The following SUPT3H variants were observed in gnomAD, a reference collection of about 807,000 sequenced individuals.
SUPT3H encodes the protein SPT3 homolog, SAGA and STAGA complex component.
Under a neutral mutation model 44.3 loss-of-function variants are expected in SUPT3H, and 44 were observed. The observed-to-expected ratio is 0.99, with a 90% CI of 0.78 to 1.28. SUPT3H has a LOEUF of 1.28. SUPT3H is among the 50% of genes most tolerant of loss of function. The probability of loss-of-function intolerance (pLI) is 0.00; values close to 1 mark genes in which losing one functional copy is unlikely to be tolerated. For missense variants in SUPT3H, 380 were observed against 387.1 expected, an observed-to-expected ratio of 0.98 and a Z score of 0.15; for synonymous variants, 124 against 125.6, an observed-to-expected ratio of 0.99 and a Z score of 0.09.
chr6:44,909,576 A>G (rs7763421), intron 10 of SUPT3H, among the ~76,000 whole-genome samples: 69,393 of 151,972 alleles, frequency 0.46, 16,356 homozygotes, highest in Admixed American at 0.55. Flanking sequence ...TGAATTTTAT[A>G]GTTATCTAGA....
At chr6:45,232,060 T>C (rs534615660) in intron 2 of SUPT3H, among the ~76,000 whole-genome samples, 1 of 152,312 alleles carries the variant, frequency 6.6e-6, no homozygotes, top group Non-Finnish European at 1.5e-5. Flanking sequence ...ACATTCTTTT[T>C]CCAGAATTGT....
At chr6:45,052,090 G>A (rs1790388442) in intron 3 of SUPT3H, among the ~76,000 whole-genome samples, 1 of 152,120 alleles carries the variant, frequency 6.6e-6, no homozygotes, top group African/African-American at 2.4e-5. Flanking sequence ...GAAATCAGAG[G>A]GAATCACCTA....
At chr6:45,098,217 G>T (rs1798065229) in intron 3 of SUPT3H, 1 of 159,630 alleles carries the variant, frequency 6.3e-6, no homozygotes, top group South Asian at 1.7e-4. Context: ...ATTTCAAGAA[G>T]ACAGAAGTGT....
At chr6:45,139,044 G>A (rs1016821495) in intron 2 of SUPT3H, among the ~76,000 whole-genome samples, 3 of 152,034 alleles carry the variant, frequency 2.0e-5, no homozygotes, top group Non-Finnish European at 4.4e-5. Context: ...GCTACCTCAA[G>A]CATATAAATG....
chr6:45,073,374 T>C (rs927300461), intron 3 of SUPT3H, among the ~76,000 whole-genome samples: 3 of 152,044 alleles, frequency 2.0e-5, no homozygotes, highest in African/African-American at 7.2e-5. Context: ...CATGGATTTG[T>C]TATAAAAGCA....
intron 2 of SUPT3H, among the ~76,000 whole-genome samples, chr6:45,187,426 A>AC (rs1361184438): frequency 3.3e-5 from 5 of 151,604 alleles, no homozygotes; most frequent in Non-Finnish European, 2.9e-5. Context: ...AAAAAAAAAA[A>AC]AGACAACCCA....
At chr6:44,968,689 C>T (rs1713843454) in intron 6 of SUPT3H, among the ~76,000 whole-genome samples, 1 of 152,098 alleles carries the variant, frequency 6.6e-6, no homozygotes, top group Non-Finnish European at 1.5e-5. Context: ...ATCCTGCATA[C>T]TAGTATTTTA....
At chr6:45,195,007 T>C (rs1017252976) in intron 2 of SUPT3H, among the ~76,000 whole-genome samples, 1 of 152,194 alleles carries the variant, frequency 6.6e-6, no homozygotes. Context: ...TTGAAATCTG[T>C]GAATCTAATT....
chr6:45,032,021 T>C (rs534401822), intron 3 of SUPT3H, among the ~76,000 whole-genome samples: 6 of 152,354 alleles, frequency 3.9e-5, no homozygotes, highest in Non-Finnish European at 5.9e-5. Context: ...AATGGGATTA[T>C]AGCAATGCAA....
intron 2 of SUPT3H, among the ~76,000 whole-genome samples, chr6:45,296,463 G>A (rs1781241497): frequency 6.6e-6 from 1 of 152,102 alleles, no homozygotes; most frequent in Non-Finnish European, 1.5e-5. Context: ...ACAGTGCCAG[G>A]TGTGATGACT....
At chr6:44,895,512 T>C (rs2067272852) in intron 10 of SUPT3H, among the ~76,000 whole-genome samples, 1 of 152,226 alleles carries the variant, frequency 6.6e-6, no homozygotes, top group Non-Finnish European at 1.5e-5. Context: ...CAAGGACATT[T>C]TGTTTTGAGA....
At chr6:44,906,966 G>C (rs1384424151) in intron 10 of SUPT3H, among the ~76,000 whole-genome samples, 1 of 152,196 alleles carries the variant, frequency 6.6e-6, no homozygotes, top group Non-Finnish European at 1.5e-5. Flanking sequence ...ATTAGATGTG[G>C]AATGTAGACG....
intron 6 of SUPT3H, among the ~76,000 whole-genome samples, chr6:44,985,038 C>G (rs1779587469): frequency 6.6e-6 from 1 of 151,718 alleles, no homozygotes; most frequent in African/African-American, 2.4e-5. Context: ...AAAAAAGTCA[C>G]ATTCAAAACT....
At chr6:45,370,965 G>A (rs1795967882) in intron 1 of SUPT3H, among the ~76,000 whole-genome samples, 1 of 152,114 alleles carries the variant, frequency 6.6e-6, no homozygotes, top group Admixed American at 6.5e-5. Context: ...CACTGCAAAT[G>A]TGCCTATCAG....
At chr6:44,914,128 C>G (rs1767466018) in intron 10 of SUPT3H, among the ~76,000 whole-genome samples, 1 of 152,108 alleles carries the variant, frequency 6.6e-6, no homozygotes, top group Non-Finnish European at 1.5e-5. Flanking sequence ...AATAGGTAGA[C>G]AGAATGGACT....
At chr6:45,264,236 A>AT (rs1375604151) in intron 2 of SUPT3H, among the ~76,000 whole-genome samples, 2 of 152,176 alleles carry the variant, frequency 1.3e-5, no homozygotes, top group Admixed American at 6.5e-5. Context: ...TGAAATCTGT[A>AT]TTTTTTAGAA....
intron 3 of SUPT3H, 82 bp downstream of exon 3, chr6:45,105,840 A>C: frequency 9.4e-7 from 1 of 1,067,706 alleles, no homozygotes; most frequent in Admixed American, 2.2e-5. Context: ...GCTGTAAATA[A>C]AATGTTTTTA....
chr6:44,854,790 C>T (rs756081132), intron 10 of SUPT3H, among the ~76,000 whole-genome samples: 1 of 152,078 alleles, frequency 6.6e-6, no homozygotes, highest in African/African-American at 2.4e-5. Context: ...AATTTATTTC[C>T]ATCTGGATAA....
At chr6:45,319,009 T>C (rs1785100341) in intron 2 of SUPT3H, among the ~76,000 whole-genome samples, 1 of 152,108 alleles carries the variant, frequency 6.6e-6, no homozygotes, top group African/African-American at 2.4e-5. Flanking sequence ...AAAGTATGTT[T>C]AAAAAAATGT....
Sources: gnomAD v4.1 joint callset for allele counts (sites outside exome capture counted in the v4.1 genomes callset) on GRCh38, gnomAD v4.1.1 for gene constraint, MANE v1.5 for transcripts, NCBI Gene and HGNC (gene_info 2026-07-23, HGNC 2026-07-21) for gene names.